The following UBE2Q2 variants were observed in gnomAD, a reference collection of about 807,000 sequenced individuals.
UBE2Q2 encodes the protein ubiquitin-conjugating enzyme E2 Q2.
UBE2Q2 carries 54 observed loss-of-function variants against 59.9 expected under a neutral mutation model. The ratio of observed to expected loss-of-function variants is 0.90; its 90% CI spans 0.72 to 1.13. The LOEUF (loss-of-function observed/expected upper bound fraction) is 1.13. Among genes scored for constraint, UBE2Q2 ranks in the 50% most tolerant of loss-of-function variants. UBE2Q2 has a pLI of 0.00. For synonymous variants in UBE2Q2, 165 were observed against 155.2 expected (o/e 1.06, Z -0.47); for missense variants, 433 against 441.9 (o/e 0.98, Z 0.18).
intron 4 of UBE2Q2, 84 bp from the exon 5 acceptor site, chr15:75,873,344 A>ATTG (rs1897894939): frequency 7.3e-7 from 1 of 1,362,252 alleles, no homozygotes; most frequent in Non-Finnish European, 1.0e-6. Flanking sequence ...CATTTGAGTC[A>ATTG]AGAATAATTT....
chr15:75,880,112 G>T (rs186803305), intron 8 of UBE2Q2, among the ~76,000 whole-genome samples: 4,214 of 139,416 alleles, frequency 0.03, 78 homozygotes, highest in Non-Finnish European at 0.039. Context: ...GTTTTTTTTT[G>T]TTTGTTTGTT....
At chr15:75,847,073 C>G (rs556816506) in intron 1 of UBE2Q2, among the ~76,000 whole-genome samples, 1 of 152,246 alleles carries the variant, frequency 6.6e-6, no homozygotes, top group African/African-American at 2.4e-5. Flanking sequence ...TTGCTTTGGT[C>G]ATGTTTTCTT....
At chr15:75,858,392 A>T in intron 2 of UBE2Q2, among the ~76,000 whole-genome samples, 1 of 152,268 alleles carries the variant, frequency 6.6e-6, no homozygotes, top group South Asian at 2.1e-4. Context: ...TGTGAGTGGG[A>T]CAAAATGAAA....
chr15:75,859,263 A>G (rs895370373), intron 2 of UBE2Q2, among the ~76,000 whole-genome samples: 1 of 151,960 alleles, frequency 6.6e-6, no homozygotes, highest in Non-Finnish European at 1.5e-5. Context: ...AGAGCCTACT[A>G]AATATCAAGT....
chr15:75,889,259 T>C (rs1234110114), intron 9 of UBE2Q2, among the ~76,000 whole-genome samples: 1 of 152,216 alleles, frequency 6.6e-6, no homozygotes, highest in Admixed American at 6.5e-5. Flanking sequence ...CTTTCACTTT[T>C]AGATTAATCT....
intron 1 of UBE2Q2, among the ~76,000 whole-genome samples, chr15:75,852,785 G>A (rs1325201520): frequency 6.6e-6 from 1 of 152,210 alleles, no homozygotes; most frequent in Non-Finnish European, 1.5e-5. Flanking sequence ...CATTTAGCCT[G>A]TAAAGAGATT....
At chr15:75,860,863 C>A (rs1030751573) in intron 3 of UBE2Q2, among the ~76,000 whole-genome samples, 3 of 152,102 alleles carry the variant, frequency 2.0e-5, no homozygotes, top group Admixed American at 2.0e-4. Flanking sequence ...CTTGGCTGAC[C>A]CTTTCTCATT....
intron 5 of UBE2Q2, among the ~76,000 whole-genome samples, chr15:75,875,522 T>C (rs865789697): frequency 2.6e-5 from 4 of 152,328 alleles, no homozygotes; most frequent in Middle Eastern, 3.4e-3. Flanking sequence ...TGTAGTCTTA[T>C]GAATGGAACT....
Position 75,854,589 on chromosome 15 carries a change from A to T in UBE2Q2, c.282+102A>T. Reference sequence around the variant, plus strand: ...TGATATAAAAGCATGATTAATGATTATAATCTTGTAGGAATTAAAGACTAG... The same window carrying T: ...TGATATAAAAGCATGATTAATGATTTTAATCTTGTAGGAATTAAAGACTAG... On this transcript the variant is annotated intron_variant, in intron 2 of 12. Coordinates refer to ENST00000267938, the MANE Select transcript of UBE2Q2 (RefSeq NM_173469.4). 2.9e-6 allele frequency: 2 copies of T among 699,714 alleles called. 1 individual carries two copies. Among genetic ancestry groups the T allele is most frequent in the South Asian group, 5.3e-5 (2 of 37,974 alleles). The allele number at this position is 699,714 out of a possible 1,614,324, so 43.3% of individuals were successfully genotyped here.
Position 75,856,369 on chromosome 15 carries a change from T to C in UBE2Q2, c.282+1882T>C, listed in dbSNP as rs141459597. On this transcript the variant is annotated intron_variant, in intron 2 of 12. Coordinates refer to ENST00000267938, the MANE Select transcript of UBE2Q2 (RefSeq NM_173469.4). ...TGACTCTAACATTTGTTTAAAAGGGTAAATGATAAAAAAATAAAGAATAGA... is the reference window on the plus strand; with the variant it reads ...TGACTCTAACATTTGTTTAAAAGGGCAAATGATAAAAAAATAAAGAATAGA... Among the ~76,000 whole-genome samples the C allele has an allele frequency of 7.3e-3, 1,107 of 151,220 alleles. 12 individuals carry two copies. Among genetic ancestry groups the C allele is most frequent in the African/African-American group, 0.025 (1,043 of 41,098 alleles).
chr15:75,860,984 G>A (rs1346204828), intron 3 of UBE2Q2, among the ~76,000 whole-genome samples: 3 of 152,178 alleles, frequency 2.0e-5, no homozygotes, highest in East Asian at 1.9e-4. Context: ...GAGCCAGACC[G>A]TGATAGGTTT....
chr15:75,872,562 A>T, intron 4 of UBE2Q2, among the ~76,000 whole-genome samples: 2 of 128,740 alleles, frequency 1.6e-5, no homozygotes, highest in African/African-American at 3.0e-5. Flanking sequence ...TTTGAGATAG[A>T]GTCTTGCTCT....
At chr15:75,876,163 T>G in intron 5 of UBE2Q2, 24 bp from the exon 6 acceptor site, 1 of 1,611,756 alleles carries the variant, frequency 6.2e-7, no homozygotes, top group Non-Finnish European at 8.5e-7. Flanking sequence ...CAGACCCTGG[T>G]AAACAGTGGC....
At chr15:75,854,301 A>C in intron 1 of UBE2Q2, 85 bp from the exon 2 acceptor site, 1 of 998,912 alleles carries the variant, frequency 1.0e-6, no homozygotes, top group African/African-American at 1.7e-5. Flanking sequence ...ATCCATGGTC[A>C]TCTTGCCGTT....
chr15:75,889,013 AC>A (rs1306454195), intron 9 of UBE2Q2, among the ~76,000 whole-genome samples: 1 of 152,180 alleles, frequency 6.6e-6, no homozygotes, highest in African/African-American at 2.4e-5. Flanking sequence ...TAACTCATCA[AC>A]CGATTATTAA....
intron 2 of UBE2Q2, among the ~76,000 whole-genome samples, chr15:75,855,062 C>T (rs1896830292): frequency 6.6e-6 from 1 of 152,104 alleles, no homozygotes; most frequent in Admixed American, 6.5e-5. Context: ...ATTTCTCTAC[C>T]TAATATAACC....
At chr15:75,878,267 G>A (rs1898194423) in intron 7 of UBE2Q2, 2 of 462,196 alleles carry the variant, frequency 4.3e-6, no homozygotes, top group Admixed American at 3.9e-5. Flanking sequence ...AGTTAGAGCA[G>A]GGGAACTTAA....
intron 4 of UBE2Q2, among the ~76,000 whole-genome samples, chr15:75,872,167 G>T (rs779396485): frequency 6.6e-6 from 1 of 152,000 alleles, no homozygotes; most frequent in Non-Finnish European, 1.5e-5. Flanking sequence ...GGTGAAGGCT[G>T]CAGTGAGCCG....
chr15:75,858,242 A>G (rs149444246), intron 2 of UBE2Q2, among the ~76,000 whole-genome samples: 12 of 152,310 alleles, frequency 7.9e-5, no homozygotes, highest in African/African-American at 2.4e-4. Flanking sequence ...TCAAACCCAT[A>G]TATCTGTCTG....
Sources: allele counts gnomAD v4.1 joint callset (sites outside exome capture counted in the v4.1 genomes callset), GRCh38; gene constraint gnomAD v4.1.1; transcripts MANE v1.5; gene names NCBI Gene and HGNC (gene_info 2026-07-23, HGNC 2026-07-21).